UBE2Q2: variants seen among roughly 807,000 people sequenced by gnomAD.
The protein encoded by UBE2Q2 is ubiquitin-conjugating enzyme E2 Q2.
A neutral mutation model predicts 59.9 loss-of-function variants in UBE2Q2; 54 were observed. The ratio of observed to expected loss-of-function variants is 0.90; its 90% CI spans 0.72 to 1.13. The LOEUF (loss-of-function observed/expected upper bound fraction) is 1.13, where lower values mean the gene tolerates loss of function less well. Ranked by LOEUF, UBE2Q2 falls within the 50% of genes most tolerant of loss-of-function variation. The pLI is 0.00. For synonymous variants in UBE2Q2, 165 were observed against 155.2 expected, an observed-to-expected ratio of 1.06 and a Z score of -0.47; for missense variants, 433 against 441.9, an observed-to-expected ratio of 0.98 and a Z score of 0.18.
At chr15:75,887,605 AC>A (rs1267659887) in intron 9 of UBE2Q2, among the ~76,000 whole-genome samples, 1 of 148,378 alleles carries the variant, frequency 6.7e-6, no homozygotes, top group Non-Finnish European at 1.5e-5. Context: ...GTAGACTATC[AC>A]CCTGGCTATT....
chr15:75,864,680 G>A (rs998328839), intron 3 of UBE2Q2, among the ~76,000 whole-genome samples: 1 of 149,506 alleles, frequency 6.7e-6, no homozygotes, highest in Admixed American at 6.7e-5. Context: ...GTGGCTATAT[G>A]CCGTTTTCAC....
At chr15:75,862,179 CTG>C (rs1300666994) in intron 3 of UBE2Q2, among the ~76,000 whole-genome samples, 2 of 152,098 alleles carry the variant, frequency 1.3e-5, no homozygotes, top group African/African-American at 4.8e-5. Flanking sequence ...CCCAGACTCA[CTG>C]TGGGATGGGC....
At chr15:75,887,764 T>C (rs979176519) in intron 9 of UBE2Q2, among the ~76,000 whole-genome samples, 1 of 152,124 alleles carries the variant, frequency 6.6e-6, no homozygotes, top group African/African-American at 2.4e-5. Flanking sequence ...GCCACGCTGT[T>C]GTCTTAGAGT....
At chr15:75,860,806 G>C (rs1388276185) in intron 3 of UBE2Q2, among the ~76,000 whole-genome samples, 1 of 152,090 alleles carries the variant, frequency 6.6e-6, no homozygotes, top group Non-Finnish European at 1.5e-5. Context: ...TTTCTCATCT[G>C]CTCTCCTACA....
At chr15:75,899,274 CA>C (rs1899619047) in intron 12 of UBE2Q2, among the ~76,000 whole-genome samples, 152 bp from the exon 13 acceptor site, 1 of 148,850 alleles carries the variant, frequency 6.7e-6, no homozygotes, top group African/African-American at 2.5e-5. Flanking sequence ...AACTCTGTCT[CA>C]AAAAATATAT....
intron 3 of UBE2Q2, among the ~76,000 whole-genome samples, chr15:75,861,019 G>T (rs1245931134): frequency 6.6e-6 from 1 of 152,194 alleles, no homozygotes; most frequent in African/African-American, 2.4e-5. Context: ...CTACTTACTG[G>T]CTGTATGCCC....
At chr15:75,844,116 C>G in intron 1 of UBE2Q2, 1 of 1,415,364 alleles carries the variant, frequency 7.1e-7, no homozygotes, top group Non-Finnish European at 9.2e-7. Context: ...CTCCTAGCCC[C>G]GAGGGGGGAG....
chr15:75,891,279 CA>C (rs1171564866), intron 11 of UBE2Q2, among the ~76,000 whole-genome samples: 1 of 151,898 alleles, frequency 6.6e-6, no homozygotes, highest in Non-Finnish European at 1.5e-5. Flanking sequence ...CAGTTGTAAA[CA>C]AAAACTTATT....
intron 9 of UBE2Q2, among the ~76,000 whole-genome samples, chr15:75,890,046 G>A (rs1899005652): frequency 6.6e-6 from 1 of 152,128 alleles, no homozygotes; most frequent in Non-Finnish European, 1.5e-5. Flanking sequence ...TCATTGTCAG[G>A]GGAAAAACTC....
intron 1 of UBE2Q2, among the ~76,000 whole-genome samples, chr15:75,847,564 T>C (rs747347036): frequency 1.3e-5 from 2 of 152,244 alleles, no homozygotes; most frequent in Non-Finnish European, 2.9e-5. Flanking sequence ...TTGCCTGTTA[T>C]ACAAACTTAA....
intron 2 of UBE2Q2, among the ~76,000 whole-genome samples, chr15:75,855,272 C>A (rs2593279): frequency 0.016 from 2,384 of 152,248 alleles, 58 homozygotes; most frequent in African/African-American, 0.054. Flanking sequence ...GGGCGGATCA[C>A]TTGAGGCCAG....
At chr15:75,877,241 C>G (rs139588585) in intron 6 of UBE2Q2, among the ~76,000 whole-genome samples, 2 of 148,174 alleles carry the variant, frequency 1.3e-5, no homozygotes, top group Admixed American at 1.3e-4. Flanking sequence ...TTAGCGTGAG[C>G]AAATCAAAAT....
chr15:75,865,275 T>A (rs1458928179), intron 3 of UBE2Q2, among the ~76,000 whole-genome samples: 2 of 152,276 alleles, frequency 1.3e-5, no homozygotes, highest in Non-Finnish European at 2.9e-5. Flanking sequence ...GCTGAACTTT[T>A]GAAAATCATA....
At chr15:75,878,280 A>G in intron 7 of UBE2Q2, 1 of 439,936 alleles carries the variant, frequency 2.3e-6, no homozygotes, top group South Asian at 4.4e-5. Context: ...GAACTTAAAA[A>G]CAAAAGTGTA....
chr15:75,884,857 C>T (rs753296373), intron 9 of UBE2Q2, among the ~76,000 whole-genome samples: 3 of 152,046 alleles, frequency 2.0e-5, no homozygotes, highest in Non-Finnish European at 4.4e-5. Context: ...CCATATTGCT[C>T]AGGCTGGTCT....
chr15:75,887,649 G>C (rs1898861545), intron 9 of UBE2Q2, among the ~76,000 whole-genome samples: 1 of 151,870 alleles, frequency 6.6e-6, no homozygotes, highest in Non-Finnish European at 1.5e-5. Context: ...AGGAACAGGG[G>C]AGTGACAGTA....
chr15:75,880,492 T>C (rs1194545592), intron 8 of UBE2Q2, among the ~76,000 whole-genome samples: 5 of 151,858 alleles, frequency 3.3e-5, no homozygotes, highest in Non-Finnish European at 1.5e-5. Flanking sequence ...TGATTTTTTT[T>C]TTTTTTTGAG....
At chr15:75,883,794 G>C (rs1898593343) in intron 9 of UBE2Q2, among the ~76,000 whole-genome samples, 1 of 151,968 alleles carries the variant, frequency 6.6e-6, no homozygotes. Context: ...TTATGTTGTT[G>C]ATAGGTAAAG....
intron 3 of UBE2Q2, among the ~76,000 whole-genome samples, chr15:75,863,968 C>T (rs1897326586): frequency 6.6e-6 from 1 of 152,038 alleles, no homozygotes; most frequent in Admixed American, 6.6e-5. Context: ...AAGACATCTG[C>T]AGCTTGTGTT....
Sources: allele counts gnomAD v4.1 joint callset (sites outside exome capture counted in the v4.1 genomes callset), GRCh38; gene constraint gnomAD v4.1.1; transcripts MANE v1.5; gene names NCBI Gene and HGNC (gene_info 2026-07-23, HGNC 2026-07-21).